VPS13B: variants seen among roughly 807,000 people sequenced by gnomAD.
VPS13B encodes the protein intermembrane lipid transfer protein VPS13B.
VPS13B carries 285 observed loss-of-function variants against 426.4 expected under a neutral mutation model. That is an observed-to-expected ratio of 0.67 (90% confidence interval 0.61 to 0.74). The LOEUF (loss-of-function observed/expected upper bound fraction) is 0.74, where lower values mean the gene tolerates loss of function less well. Ranked by LOEUF, VPS13B falls within the 30% of genes least tolerant of loss-of-function variation. The probability of loss-of-function intolerance (pLI) is 0.00; values close to 1 mark genes in which losing one functional copy is unlikely to be tolerated. For missense variants in VPS13B, 4,537 were observed against 4,782.6 expected (o/e 0.95, Z 1.51); for synonymous variants, 1,676 against 1,676.4 (o/e 1.00, Z 0.01).
At position 99,497,466 on chromosome 8, in the gene VPS13B, A is replaced by G. The variant is rs73702021; in HGVS notation, c.3871-4221A>G. Among the ~76,000 whole-genome samples the G allele has an allele frequency of 4.3e-3, 640 of 149,974 alleles. 5 individuals are homozygous for G. Among genetic ancestry groups the G allele is most frequent in the African/African-American group, 0.014 (593 of 41,280 alleles). ...TAAGAATTGATATATTAACTACTCA[A>G]TGTTTGGAAGCTTAGGGTCATGGCA... On this transcript the variant is annotated intron_variant, in intron 25 of 61. Coordinates refer to ENST00000357162, the MANE Select transcript of VPS13B (RefSeq NM_152564.5).
chr8:99,438,263 C>T (rs2133429333), intron 22 of VPS13B, among the ~76,000 whole-genome samples: 1 of 152,128 alleles, frequency 6.6e-6, no homozygotes, highest in South Asian at 2.1e-4. Context: ...CAGTTGAATT[C>T]TGTCTTCTAG....
rs570886624 is a variant in VPS13B at position 99,020,170 on chromosome 8, A to T, written c.147+6235A>T. On this transcript the variant is annotated intron_variant, in intron 2 of 61. Coordinates refer to ENST00000357162, the MANE Select transcript of VPS13B (RefSeq NM_152564.5). ...TTACGTGTTTTTTTTTTTTAAATATAGCTATCCTAATGGGTATGAAATGAT... is the reference window on the plus strand; with the variant it reads ...TTACGTGTTTTTTTTTTTTAAATATTGCTATCCTAATGGGTATGAAATGAT... Among the ~76,000 whole-genome samples, 22 of 151,820 alleles carry T rather than the reference A, an allele frequency of 1.4e-4. No homozygotes were observed. The South Asian group carries it at 4.6e-3, about 32-fold the overall frequency.
At chr8:99,870,125 C>T (rs1817317995) in intron 59 of VPS13B, among the ~76,000 whole-genome samples, 2 of 152,184 alleles carry the variant, frequency 1.3e-5, no homozygotes, top group South Asian at 4.1e-4. Flanking sequence ...TATTTTTTGA[C>T]TAGCCTTAGC....
chr8:99,530,741 C>G (rs185016938), intron 30 of VPS13B, among the ~76,000 whole-genome samples: 1 of 152,006 alleles, frequency 6.6e-6, no homozygotes, highest in South Asian at 2.1e-4. Context: ...ACATCTCGGT[C>G]GAACCTCATA....
At chr8:99,106,125 G>GAA (rs1271686201) in intron 5 of VPS13B, among the ~76,000 whole-genome samples, 2 of 151,594 alleles carry the variant, frequency 1.3e-5, no homozygotes, top group Non-Finnish European at 2.9e-5. Context: ...AAGAAAGAAA[G>GAA]AGCATTAAGC....
At chr8:99,165,773 G>T (rs1037123032) in intron 15 of VPS13B, among the ~76,000 whole-genome samples, 2 of 152,136 alleles carry the variant, frequency 1.3e-5, no homozygotes, top group Non-Finnish European at 2.9e-5. Context: ...AATTTTCAGT[G>T]TATACCCTCC....
chr8:99,262,211 G>C (rs1000274882), intron 17 of VPS13B, among the ~76,000 whole-genome samples: 13 of 152,012 alleles, frequency 8.6e-5, no homozygotes, highest in African/African-American at 3.1e-4. Flanking sequence ...ATTACTTTTT[G>C]TTTCATGTTG....
At chr8:99,625,710 G>A (rs1828582847) in intron 33 of VPS13B, among the ~76,000 whole-genome samples, 1 of 151,510 alleles carries the variant, frequency 6.6e-6, no homozygotes, top group Non-Finnish European at 1.5e-5. Flanking sequence ...GCGAAGTATA[G>A]TGGCACACGC....
Position 99,170,161 on chromosome 8 carries a change from C to A in VPS13B, c.2331C>A (p.Cys777Ter). 1.2e-6 allele frequency: 2 copies of A among 1,612,352 alleles called. No individual in the cohort carries two copies. The highest frequency in any genetic ancestry group is 1.7e-6 in the Non-Finnish European group (2 of 1,178,732). The change falls in exon 16 of 62, where the codon TGC (cysteine) becomes TGA (stop). Residue 777 changes from cysteine (C) to a stop codon, truncating the protein, a stop_gained and splice_region_variant. Transcript: ENST00000357162. LOFTEE classifies it high-confidence loss of function. ...LYGKLLKLPTCWTKRSQIAIT... is the reference protein window; with the variant it reads ...LYGKLLKLPT ...GGAAACTTCTGAAACTCCCCACATG[C>A]TGGTAAGTCTTACATGTTAAAATGT...
At chr8:99,125,203 T>C (rs1471083705) in intron 8 of VPS13B, among the ~76,000 whole-genome samples, 1 of 152,174 alleles carries the variant, frequency 6.6e-6, no homozygotes, top group Non-Finnish European at 1.5e-5. Context: ...GGTGCAGCTT[T>C]CAGTGTGGGC....
At chr8:99,070,218 G>C (rs1057396770) in intron 3 of VPS13B, among the ~76,000 whole-genome samples, 1 of 152,108 alleles carries the variant, frequency 6.6e-6, no homozygotes. Context: ...CTGGCCCCAT[G>C]AAATTTTTTT....
Position 99,412,086 on chromosome 8 carries a change from G to A in VPS13B, c.3083-19451G>A, listed in dbSNP as rs534961335. ...AGTAGTTTTTTTATAATTCTTTGAA[G>A]AAAGTCAATGGTAGCTTGATGGGGA... On this transcript the variant is annotated intron_variant, in intron 21 of 61. Transcript: ENST00000357162. Among the ~76,000 whole-genome samples, 17 of 152,320 alleles carry A rather than the reference G, an allele frequency of 1.1e-4. No individual in the cohort carries two copies. The East Asian group carries it at 2.3e-3, about 21-fold the overall frequency.
intron 35 of VPS13B, among the ~76,000 whole-genome samples, chr8:99,675,807 A>G (rs903328505): frequency 6.6e-6 from 1 of 151,548 alleles, no homozygotes; most frequent in Non-Finnish European, 1.5e-5. Context: ...TTATTCTTTC[A>G]ATCTCTTAAA....
At chr8:99,507,463 A>G (rs1318362384) in intron 28 of VPS13B, among the ~76,000 whole-genome samples, 1 of 152,210 alleles carries the variant, frequency 6.6e-6, no homozygotes. Context: ...AATATACTTT[A>G]TCTTTAATGT....
intron 2 of VPS13B, among the ~76,000 whole-genome samples, chr8:99,023,908 T>C (rs1033733600): frequency 6.6e-6 from 1 of 152,234 alleles, no homozygotes; most frequent in South Asian, 2.1e-4. Flanking sequence ...TAATTTTATT[T>C]GTATGTACAC....
intron 59 of VPS13B, among the ~76,000 whole-genome samples, chr8:99,869,052 C>A (rs1417267028): frequency 6.6e-6 from 1 of 152,224 alleles, no homozygotes; most frequent in Non-Finnish European, 1.5e-5. Context: ...CCCCGTGCAG[C>A]CGCATGCACA....
At chr8:99,468,145 C>T (rs755179573) in intron 24 of VPS13B, among the ~76,000 whole-genome samples, 7 of 152,058 alleles carry the variant, frequency 4.6e-5, no homozygotes, top group Non-Finnish European at 8.8e-5. Context: ...TGCTATCCCC[C>T]GACCCCCCAG....
At chr8:99,369,271 A>G (rs1301124847) in intron 19 of VPS13B, among the ~76,000 whole-genome samples, 1 of 152,244 alleles carries the variant, frequency 6.6e-6, no homozygotes, top group Non-Finnish European at 1.5e-5. Flanking sequence ...AAAGAATGAA[A>G]GAAAGGGAGA....
At chr8:99,704,231 A>G (rs1169018912) in intron 36 of VPS13B, among the ~76,000 whole-genome samples, 2 of 152,306 alleles carry the variant, frequency 1.3e-5, no homozygotes, top group African/African-American at 2.4e-5. Context: ...GCATAACCAC[A>G]TTATTTTTCA....
Sources: allele counts gnomAD v4.1 joint callset (sites outside exome capture counted in the v4.1 genomes callset), GRCh38; gene constraint gnomAD v4.1.1; transcripts MANE v1.5; gene names NCBI Gene and HGNC (gene_info 2026-07-23, HGNC 2026-07-21).